The following ANKS1A variants were observed in gnomAD, a reference collection of about 807,000 sequenced individuals.
ANKS1A encodes the protein ankyrin repeat and SAM domain-containing protein 1A.
ANKS1A carries 55 observed loss-of-function variants against 120.3 expected under a neutral mutation model. The ratio of observed to expected loss-of-function variants is 0.46; its 90% CI spans 0.37 to 0.57. ANKS1A has a LOEUF of 0.57. Ranked by LOEUF, ANKS1A falls within the 20% of genes least tolerant of loss-of-function variation. ANKS1A has a pLI of 0.00. For missense variants in ANKS1A, 1,123 were observed against 1,480.3 expected (o/e 0.76, Z 3.96); for synonymous variants, 590 against 604.7 (o/e 0.98, Z 0.36).
intron 13 of ANKS1A, among the ~76,000 whole-genome samples, chr6:35,064,023 G>C (rs1240459689): frequency 6.6e-6 from 1 of 152,376 alleles, no homozygotes; most frequent in South Asian, 2.1e-4. Context: ...TGTCTCTGGT[G>C]AGGGAGGAGG....
chr6:34,946,934 T>G (rs1386435818), intron 1 of ANKS1A, among the ~76,000 whole-genome samples: 1 of 152,330 alleles, frequency 6.6e-6, no homozygotes, highest in East Asian at 1.9e-4. Flanking sequence ...TAGTATAGAT[T>G]TAGCAGTCAG....
chr6:34,960,744 A>G (rs1440976125), intron 1 of ANKS1A, among the ~76,000 whole-genome samples: 1 of 152,084 alleles, frequency 6.6e-6, no homozygotes, highest in Non-Finnish European at 1.5e-5. Context: ...CTTCAGCATC[A>G]TGTGAAAGCA....
chr6:35,065,539 A>G (rs1400722402), intron 13 of ANKS1A, among the ~76,000 whole-genome samples: 2 of 152,168 alleles, frequency 1.3e-5, no homozygotes, highest in Non-Finnish European at 2.9e-5. Context: ...GCGGGCTCTC[A>G]GTACGGTAAT....
chr6:35,061,736 A>G (rs1013408831), intron 13 of ANKS1A, among the ~76,000 whole-genome samples: 38 of 152,346 alleles, frequency 2.5e-4, no homozygotes, highest in Non-Finnish European at 4.9e-4. Flanking sequence ...GTTAAACTGA[A>G]TGTATTTATG....
At chr6:34,950,386 G>A (rs956512641) in intron 1 of ANKS1A, among the ~76,000 whole-genome samples, 1 of 151,738 alleles carries the variant, frequency 6.6e-6, no homozygotes, top group Non-Finnish European at 1.5e-5. Flanking sequence ...CCGCCACCAC[G>A]CCCAGCTAAT....
At chr6:35,059,468 C>G (rs938376391) in intron 12 of ANKS1A, among the ~76,000 whole-genome samples, 2 of 152,212 alleles carry the variant, frequency 1.3e-5, no homozygotes, top group Non-Finnish European at 2.9e-5. Flanking sequence ...TGGGGGAAAA[C>G]AAGTAAAAGT....
rs370768360 is a variant in ANKS1A at position 35,079,942 on chromosome 6, G to A, written c.2544+14G>A. The A allele has an allele frequency of 2.3e-5, 35 of 1,551,326 alleles. No individual in the cohort carries two copies. The African/African-American group carries it at 3.1e-4, about 14-fold the overall frequency. On this transcript the variant is annotated intron_variant, in intron 16 of 23. Coordinates refer to ENST00000360359, the MANE Select transcript of ANKS1A (RefSeq NM_015245.3). ...TCCCAGCTGAGGGTGAGTCGGGGAGGGACAGAAAGGAATGTATGTTTGTTC... is the reference window on the plus strand; with the variant it reads ...TCCCAGCTGAGGGTGAGTCGGGGAGAGACAGAAAGGAATGTATGTTTGTTC...
At chr6:34,952,225 G>A (rs1047689407) in intron 1 of ANKS1A, among the ~76,000 whole-genome samples, 6 of 152,144 alleles carry the variant, frequency 3.9e-5, no homozygotes, top group Admixed American at 1.3e-4. Flanking sequence ...TCCACTTAAA[G>A]TATACTTGGC....
rs140505689 is a variant in ANKS1A at position 34,918,357 on chromosome 6, A to C, written c.197+28758A>C. Reference sequence around the variant, plus strand: ...CTGTGCTACAGTTTTCTCACTTCCAAAATGGGGGTGGTAATAGTATCTACA... The same window carrying C: ...CTGTGCTACAGTTTTCTCACTTCCACAATGGGGGTGGTAATAGTATCTACA... On this transcript the variant is annotated intron_variant, in intron 1 of 23. Transcript: ENST00000360359. Among the ~76,000 whole-genome samples, 339 of 152,312 alleles carry C rather than the reference A, an allele frequency of 2.2e-3. 1 individual carries two copies. Among genetic ancestry groups the C allele is most frequent in the Middle Eastern group, 3.4e-3 (1 of 294 alleles).
intron 13 of ANKS1A, among the ~76,000 whole-genome samples, chr6:35,067,493 G>A (rs1359925515): frequency 6.6e-6 from 1 of 152,222 alleles, no homozygotes; most frequent in Admixed American, 6.5e-5. Context: ...GGCCGGAGAA[G>A]CCCGAGTGCC....
At chr6:34,894,321 A>G (rs746154075) in intron 1 of ANKS1A, among the ~76,000 whole-genome samples, 1 of 152,234 alleles carries the variant, frequency 6.6e-6, no homozygotes, top group Non-Finnish European at 1.5e-5. Context: ...AATTCTATCA[A>G]CTAAAAGGCC....
chr6:35,021,855 A>G (rs2127561866), intron 11 of ANKS1A, among the ~76,000 whole-genome samples: 1 of 152,188 alleles, frequency 6.6e-6, no homozygotes, highest in Admixed American at 6.5e-5. Flanking sequence ...GTATGGTAGA[A>G]TGTGTCAGTA....
At chr6:34,958,123 C>T (rs1175111515) in intron 1 of ANKS1A, among the ~76,000 whole-genome samples, 2 of 152,170 alleles carry the variant, frequency 1.3e-5, no homozygotes, top group Non-Finnish European at 1.5e-5. Flanking sequence ...CAGACATCTA[C>T]ATATGGGAGT....
At chr6:35,014,173 T>C (rs146139110) in intron 10 of ANKS1A, among the ~76,000 whole-genome samples, 18 of 152,282 alleles carry the variant, frequency 1.2e-4, no homozygotes, top group Non-Finnish European at 2.2e-4. Context: ...TTCCCACCCA[T>C]TGATCTGCCA....
downstream of ANKS1A, among the ~76,000 whole-genome samples, chr6:35,095,587 AG>A (rs1561977974): frequency 1.9e-5 from 2 of 106,188 alleles, no homozygotes; most frequent in African/African-American, 4.5e-5. Flanking sequence ...GAAAGACGAA[AG>A]AAAGAGAGAA....
chr6:35,068,398 C>T (rs1776890975), intron 13 of ANKS1A, among the ~76,000 whole-genome samples: 1 of 152,130 alleles, frequency 6.6e-6, no homozygotes, highest in Admixed American at 6.5e-5. Context: ...CAGGGCCAGC[C>T]ATGCCTCCCA....
chr6:35,004,999 T>TG (rs1773379559), intron 10 of ANKS1A, among the ~76,000 whole-genome samples: 1 of 152,252 alleles, frequency 6.6e-6, no homozygotes, highest in South Asian at 2.1e-4. Context: ...AATTTTATCT[T>TG]GGTCCTTAAA....
At chr6:35,000,590 G>A (rs1191612722) in intron 10 of ANKS1A, among the ~76,000 whole-genome samples, 1 of 151,536 alleles carries the variant, frequency 6.6e-6, no homozygotes, top group Non-Finnish European at 1.5e-5. Flanking sequence ...AGAAAAAAAT[G>A]TTTGTAATAA....
intron 13 of ANKS1A, chr6:35,071,100 TA>T (rs1157586338): frequency 6.0e-6 from 2 of 330,786 alleles, no homozygotes; most frequent in Non-Finnish European, 1.1e-5. Context: ...CTCTTTCAAC[TA>T]GTTGCCAATC....
Sources: gnomAD v4.1 joint callset for allele counts (sites outside exome capture counted in the v4.1 genomes callset) on GRCh38, gnomAD v4.1.1 for gene constraint, MANE v1.5 for transcripts, NCBI Gene and HGNC (gene_info 2026-07-23, HGNC 2026-07-21) for gene names.